SLC35F4: variants seen among roughly 807,000 people sequenced by gnomAD.
SLC35F4 encodes the protein solute carrier family 35 member F4.
SLC35F4 carries 24 observed loss-of-function variants against 44.2 expected under a neutral mutation model. The ratio of observed to expected loss-of-function variants is 0.54; its 90% CI spans 0.39 to 0.76. The LOEUF is 0.76. Ranked by LOEUF, SLC35F4 falls within the 30% of genes least tolerant of loss-of-function variation. SLC35F4 has a pLI of 0.00. For missense variants in SLC35F4, 562 were observed against 586.1 expected (o/e 0.96, Z 0.42); for synonymous variants, 238 against 223.6 (o/e 1.06, Z -0.57).
At chr14:57,884,959 A>G (rs900748339) in intron 1 of SLC35F4, among the ~76,000 whole-genome samples, 2 of 152,194 alleles carry the variant, frequency 1.3e-5, no homozygotes, top group Non-Finnish European at 2.9e-5. Flanking sequence ...ATTTTTCTAA[A>G]GATACAATCA....
intron 1 of SLC35F4, chr14:57,630,080 A>G (rs2072691513): frequency 3.7e-6 from 2 of 542,898 alleles, no homozygotes; most frequent in Non-Finnish European, 7.5e-6. Flanking sequence ...CAATTTGAGG[A>G]TGTTTGTGAT....
chr14:57,765,114 A>T (rs1852970587), intron 1 of SLC35F4, among the ~76,000 whole-genome samples: 1 of 151,986 alleles, frequency 6.6e-6, no homozygotes, highest in African/African-American at 2.4e-5. Context: ...AACTATGATT[A>T]TAAATGGAGC....
downstream of SLC35F4, among the ~76,000 whole-genome samples, chr14:57,973,931 C>A (rs1218181880): frequency 1.3e-5 from 2 of 152,154 alleles, no homozygotes; most frequent in African/African-American, 4.8e-5. Flanking sequence ...CCAACCCCAC[C>A]ACTATCACCA....
At chr14:57,570,097 G>A (rs1461460119) in intron 5 of SLC35F4, 117 bp from the exon 6 acceptor site, 5 of 925,074 alleles carry the variant, frequency 5.4e-6, no homozygotes, top group East Asian at 2.8e-5. Flanking sequence ...ATTTCTTCTT[G>A]CCCTGACATC....
At chr14:57,594,796 G>A (rs1382254424) in intron 1 of SLC35F4, among the ~76,000 whole-genome samples, 2 of 152,178 alleles carry the variant, frequency 1.3e-5, no homozygotes, top group East Asian at 1.9e-4. Flanking sequence ...TAATTTCATT[G>A]TGTCTTCTCA....
chr14:57,678,928 G>C (rs58220157), intron 1 of SLC35F4, among the ~76,000 whole-genome samples: 23,769 of 151,940 alleles, frequency 0.16, 2,011 homozygotes, highest in East Asian at 0.29. Context: ...GTAATAGTGG[G>C]AGACTTTAAC....
At chr14:57,693,021 C>T (rs942001031) in intron 1 of SLC35F4, among the ~76,000 whole-genome samples, 5 of 151,998 alleles carry the variant, frequency 3.3e-5, no homozygotes, top group South Asian at 4.2e-4. Flanking sequence ...TTAAAAAATC[C>T]CATATGTTTC....
At chr14:57,773,877 T>G (rs2077426972) in intron 1 of SLC35F4, among the ~76,000 whole-genome samples, 1 of 152,170 alleles carries the variant, frequency 6.6e-6, no homozygotes, top group African/African-American at 2.4e-5. Context: ...GGAGCCCATG[T>G]ATTAAATTCG....
intron 1 of SLC35F4, among the ~76,000 whole-genome samples, chr14:57,620,361 C>A (rs960792189): frequency 3.9e-5 from 6 of 152,112 alleles, no homozygotes; most frequent in Non-Finnish European, 5.9e-5. Context: ...ACACTACAAG[C>A]CAGAAGAGGG....
chr14:57,830,514 A>T (rs997191473), intron 1 of SLC35F4, among the ~76,000 whole-genome samples: 1 of 152,206 alleles, frequency 6.6e-6, no homozygotes, highest in Admixed American at 6.5e-5. Flanking sequence ...ATCCTAAAAG[A>T]TATTTCTTAG....
intron 1 of SLC35F4, among the ~76,000 whole-genome samples, chr14:57,829,784 G>T (rs551062444): frequency 6.6e-6 from 1 of 152,042 alleles, no homozygotes; most frequent in Admixed American, 6.6e-5. Flanking sequence ...AATCCCTTCA[G>T]GCATGCAGAT....
At chr14:57,866,890 A>G (rs544496684), upstream of SLC35F4, among the ~76,000 whole-genome samples, 2 of 151,600 alleles carry the variant, frequency 1.3e-5, no homozygotes, top group Admixed American at 6.6e-5. Context: ...CAGAGACCCA[A>G]TGGGTTAGGG....
At chr14:57,620,901 T>A (rs1386954596) in intron 1 of SLC35F4, among the ~76,000 whole-genome samples, 1 of 152,100 alleles carries the variant, frequency 6.6e-6, no homozygotes, top group Non-Finnish European at 1.5e-5. Flanking sequence ...TGTACATGAT[T>A]GTACATCTAG....
At chr14:57,722,651 G>A (rs1038830664) in intron 1 of SLC35F4, among the ~76,000 whole-genome samples, 15 of 152,178 alleles carry the variant, frequency 9.9e-5, no homozygotes, top group African/African-American at 3.6e-4. Context: ...CTACCATAAT[G>A]GACAGCAGAG....
chr14:57,695,100 A>G (rs985122348), intron 1 of SLC35F4, among the ~76,000 whole-genome samples: 2 of 152,176 alleles, frequency 1.3e-5, no homozygotes, highest in African/African-American at 4.8e-5. Flanking sequence ...CATTCAGGAC[A>G]CAGGCATGGG....
At chr14:57,653,392 T>A (rs2073856307) in intron 1 of SLC35F4, among the ~76,000 whole-genome samples, 1 of 152,146 alleles carries the variant, frequency 6.6e-6, no homozygotes, top group Non-Finnish European at 1.5e-5. Flanking sequence ...TTTCCACTGC[T>A]AAAGAAGCAA....
chr14:57,938,273 C>T (rs1889851944), intron 1 of SLC35F4, among the ~76,000 whole-genome samples: 1 of 151,664 alleles, frequency 6.6e-6, no homozygotes, highest in Non-Finnish European at 1.5e-5. Flanking sequence ...CTCAAGCAGA[C>T]AGAGGAAAAA....
At chr14:57,660,907 C>T (rs748812324) in intron 1 of SLC35F4, among the ~76,000 whole-genome samples, 5 of 144,590 alleles carry the variant, frequency 3.5e-5, no homozygotes, top group Middle Eastern at 3.4e-3. Flanking sequence ...ACCGTAAAAT[C>T]GTAAATATTT....
chr14:57,601,187 A>G (rs1249256523), intron 1 of SLC35F4, among the ~76,000 whole-genome samples: 1 of 151,692 alleles, frequency 6.6e-6, no homozygotes, highest in African/African-American at 2.4e-5. Context: ...AGTTTTTTCA[A>G]GACTTGCTTA....
Sources: allele counts gnomAD v4.1 joint callset (sites outside exome capture counted in the v4.1 genomes callset), GRCh38; gene constraint gnomAD v4.1.1; transcripts MANE v1.5; gene names NCBI Gene and HGNC (gene_info 2026-07-23, HGNC 2026-07-21).